The following ZMYM5 variants were observed in gnomAD, a reference collection of about 807,000 sequenced individuals.
The protein encoded by ZMYM5 is zinc finger MYM-type protein 5.
In ZMYM5, 41 loss-of-function variants were observed where a neutral mutation model predicts 61.8. That is an observed-to-expected ratio of 0.66 (90% CI 0.52 to 0.86). The LOEUF is 0.86. ZMYM5 is among the 40% of genes least tolerant of loss of function. The pLI is 0.00. For missense variants in ZMYM5, 706 were observed against 786.7 expected, an observed-to-expected ratio of 0.90 and a Z score of 1.23; for synonymous variants, 257 against 276.4, an observed-to-expected ratio of 0.93 and a Z score of 0.70.
rs1953678969 is a variant in ZMYM5, at chr13:19,860,148, T to C, written c.-11+2251A>G. The stretch of plus-strand genomic sequence containing the variant: ...AAGAGGAAAAAAAAAGAATTATAGA[T>C]GGAGTCTCACTCTGTCGCCCAGGCT... On this transcript the variant is annotated intron_variant, in intron 2 of 7. Transcript: ENST00000337963. Among the ~76,000 whole-genome samples the C allele has an allele frequency of 2.1e-5, 3 of 142,674 alleles. No individual in the cohort carries two copies. The South Asian group carries it at 6.9e-4, about 33-fold the overall frequency. The allele number at this position is 142,674 out of a possible 152,430, so 93.6% of individuals were successfully genotyped here.
At chr13:19,854,915 G>A (rs1187699072) in intron 2 of ZMYM5, among the ~76,000 whole-genome samples, 1 of 152,168 alleles carries the variant, frequency 6.6e-6, no homozygotes, top group Non-Finnish European at 1.5e-5. Context: ...TGCAATGCAT[G>A]TGGAAAACAA....
At chr13:19,838,635 A>C in intron 5 of ZMYM5, 65 bp downstream of exon 5, 1 of 1,557,854 alleles carries the variant, frequency 6.4e-7, no homozygotes, top group South Asian at 1.2e-5. Flanking sequence ...CTGCAGTTAT[A>C]TTGAGTACTT....
rs372320108 is a variant in ZMYM5, at chr13:19,824,703, A to T, written c.1784T>A (p.Leu595His). Reference sequence around the variant, plus strand: ...CAGTTGATTTTTTCCTTCCCCAAAGAGTTTGCAATATAGACAAAACACAGA... The same window carrying T: ...CAGTTGATTTTTTCCTTCCCCAAAGTGTTTGCAATATAGACAAAACACAGA... Reference protein sequence around the residue: ...KDSVFCLYCKLFGEGKNQLKN... With the variant: ...KDSVFCLYCKHFGEGKNQLKN... Residue 595 changes from leucine (L) to histidine (H), a missense_variant, in exon 8 of 8, where the codon CTC becomes CAC. By Grantham distance (99) the Leu-to-His change is moderately conservative. Around this residue, in one of 2 missense-constraint regions of ZMYM5, gnomAD observed 226 missense variants for 325.0 expected, o/e 0.70. Transcript: ENST00000337963. 1 of 1,352,904 alleles carries T rather than the reference A, an allele frequency of 7.4e-7. No individual in the cohort carries two copies. The highest frequency in any genetic ancestry group is 9.8e-7 in the Non-Finnish European group (1 of 1,015,754). 83.8% of individuals were successfully genotyped at this position (1,352,904 alleles called of 1,614,324 possible).
At chr13:19,831,674 C>T (rs985214322) in intron 7 of ZMYM5, among the ~76,000 whole-genome samples, 1 of 150,356 alleles carries the variant, frequency 6.7e-6, no homozygotes, top group Admixed American at 6.7e-5. Context: ...GTGATGCGCA[C>T]CTGTAATCCC....
chr13:19,857,891 T>C (rs935712580), intron 2 of ZMYM5, among the ~76,000 whole-genome samples: 2 of 151,848 alleles, frequency 1.3e-5, no homozygotes, highest in Admixed American at 6.6e-5. Flanking sequence ...CATACGCCTG[T>C]AGTCGCTGCT....
At chr13:19,859,714 C>A (rs552353360) in intron 2 of ZMYM5, among the ~76,000 whole-genome samples, 6 of 151,820 alleles carry the variant, frequency 4.0e-5, no homozygotes, top group African/African-American at 1.4e-4. Flanking sequence ...GCCTTTAGTT[C>A]CCAATTCTTA....
intron 4 of ZMYM5, among the ~76,000 whole-genome samples, chr13:19,850,931 G>A (rs567036784): frequency 1.3e-4 from 20 of 152,270 alleles, no homozygotes; most frequent in African/African-American, 3.9e-4. Flanking sequence ...GTCAAAGGCC[G>A]GGAGTGGTGG....
chr13:19,826,046 T>TA (rs56181038), intron 7 of ZMYM5, among the ~76,000 whole-genome samples: 1,426 of 118,848 alleles, frequency 0.012, 28 homozygotes, highest in African/African-American at 0.042. Context: ...ACTCCATGCT[T>TA]AAAAAAAAAA....
intron 4 of ZMYM5, among the ~76,000 whole-genome samples, chr13:19,845,282 A>G (rs1953035729): frequency 6.6e-6 from 1 of 152,216 alleles, no homozygotes; most frequent in African/African-American, 2.4e-5. Context: ...ACAAAAGGGA[A>G]TGTGTGAAGT....
intron 7 of ZMYM5, among the ~76,000 whole-genome samples, chr13:19,825,898 G>T (rs1159054462): frequency 6.6e-6 from 1 of 151,996 alleles, no homozygotes; most frequent in Non-Finnish European, 1.5e-5. Context: ...AAATTTAGCT[G>T]GGAGTGGTGG....
At chr13:19,852,215 A>T (rs1953340948) in intron 2 of ZMYM5, 25 bp from the exon 3 acceptor site, 1 of 1,512,180 alleles carries the variant, frequency 6.6e-7, no homozygotes, top group African/African-American at 1.4e-5. Context: ...AAGAAAAAAA[A>T]AAGTTCTAGT....
intron 4 of ZMYM5, 139 bp downstream of exon 4, chr13:19,851,210 ACTCGGT>A (rs1017976105): frequency 6.6e-6 from 5 of 761,008 alleles, no homozygotes; most frequent in Non-Finnish European, 8.4e-6. Context: ...GAAGAGCGAA[ACTCGGT>A]CTCCAAAAAC....
chr13:19,859,143 AT>A (rs1227130650), intron 2 of ZMYM5, among the ~76,000 whole-genome samples: 1 of 151,964 alleles, frequency 6.6e-6, no homozygotes, highest in East Asian at 1.9e-4. Context: ...AAAAAAAAAA[AT>A]GTCCCCTCTC....
In ZMYM5 at chr13:19,834,064, C is replaced by T. The variant is rs569373794; in HGVS notation, c.1251+1413G>A. On this transcript the variant is annotated intron_variant, in intron 7 of 7. Transcript: ENST00000337963. ...CAATCTCCGCTCACTGCAACCTCCA[C>T]CTCCCAGGTTCAAGCGATTCTCCTG... is the stretch of plus-strand genomic sequence containing the variant. 4.6e-5 allele frequency among the ~76,000 whole-genome samples: 7 copies of T among 152,358 alleles called. No individual in the cohort carries two copies. In the South Asian group the frequency reaches 1.4e-3, roughly 32 times the overall value.
Position 19,851,737 on chromosome 13 carries a change from G to C in ZMYM5, c.444C>G (p.Asn148Lys), listed in dbSNP as rs1485924041. 6.3e-7 allele frequency: 1 copy of C among 1,585,312 alleles called. No individual in the cohort carries two copies. The highest frequency in any genetic ancestry group is 1.4e-5 in the African/African-American group (1 of 72,938). Reference sequence around the variant, plus strand: ...TGGAGAAATCCAAATCGTTGGTTTTGTTTTTAGTTCCAGGAAGTCCCCATT... The same window carrying C: ...TGGAGAAATCCAAATCGTTGGTTTTCTTTTTAGTTCCAGGAAGTCCCCATT... ...FIEWGLPGTK[N>K]KTNDLDFSTS... Residue 148 changes from asparagine to lysine, a missense_variant, in exon 3 of 8, where the codon AAC becomes AAG. Asn to Lys is a moderately conservative substitution (Grantham distance 94). Around this residue, in one of 2 missense-constraint regions of ZMYM5, gnomAD observed 480 missense variants for 461.7 expected, o/e 1.04. Coordinates refer to ENST00000337963, the MANE Select transcript of ZMYM5 (RefSeq NM_001142684.2).
intron 4 of ZMYM5, among the ~76,000 whole-genome samples, chr13:19,842,333 C>T (rs1029851504): frequency 3.9e-5 from 6 of 152,256 alleles, no homozygotes; most frequent in South Asian, 2.1e-4. Flanking sequence ...CTCCAGAAAT[C>T]CTTGCCCGTT....
intron 7 of ZMYM5, among the ~76,000 whole-genome samples, chr13:19,828,975 T>G (rs1485577907): frequency 6.6e-6 from 1 of 152,102 alleles, no homozygotes; most frequent in Non-Finnish European, 1.5e-5. Flanking sequence ...CCGAGTGTGG[T>G]GGCACATGCC....
At chr13:19,860,722 G>A (rs576773274) in intron 2 of ZMYM5, among the ~76,000 whole-genome samples, 77 of 152,054 alleles carry the variant, frequency 5.1e-4, no homozygotes, top group Middle Eastern at 3.4e-3. Context: ...ACAGGTGTGA[G>A]CCACCATGCC....
rs1288246795 is a variant in ZMYM5 at position 19,835,578 on chromosome 13, C to T, written c.1150G>A (p.Gly384Arg). The T allele has an allele frequency of 1.5e-6, 2 of 1,367,620 alleles. No homozygotes were observed. The highest frequency in any genetic ancestry group is 4.5e-5 in the East Asian group (1 of 21,982). The allele number at this position is 1,367,620 out of a possible 1,614,324, so 84.7% of individuals were successfully genotyped here. The stretch of plus-strand genomic sequence containing the variant: ...GTACTCTTACTAGGCATGTACTCTC[C>T]ACAGTGTTCACAGCAGTTCATTATT... Reference protein sequence around the residue: ...GLIMNCCEHCGEYMPSKSTGN... With the variant: ...GLIMNCCEHCREYMPSKSTGN... The change falls in exon 7 of 8, where the codon GGA becomes AGA. Residue 384 changes from glycine to arginine, a missense_variant. By Grantham distance (125) the Gly-to-Arg change is moderately radical. Coordinates refer to ENST00000337963, the MANE Select transcript of ZMYM5 (RefSeq NM_001142684.2).
Sources: gnomAD v4.1 joint callset for allele counts (sites outside exome capture counted in the v4.1 genomes callset) on GRCh38, gnomAD v4.1.1 for gene constraint, gnomAD v4.1.1 regional missense constraint, MANE v1.5 for transcripts, NCBI Gene and HGNC (gene_info 2026-07-23, HGNC 2026-07-21) for gene names.